The following MACROD2 variants were observed in gnomAD, a reference collection of about 807,000 sequenced individuals.
The protein encoded by MACROD2 is mono-ADP ribosylhydrolase 2.
Under a neutral mutation model 70.4 loss-of-function variants are expected in MACROD2, and 36 were observed. The observed-to-expected ratio is 0.51, with a 90% CI of 0.39 to 0.68. MACROD2 has a LOEUF of 0.68. MACROD2 is among the 30% of genes least tolerant of loss of function. The pLI is 0.00. For synonymous variants in MACROD2, 172 were observed against 178.8 expected, an observed-to-expected ratio of 0.96 and a Z score of 0.30; for missense variants, 496 against 538.4, an observed-to-expected ratio of 0.92 and a Z score of 0.78.
chr20:15,049,373 T>G (rs1270736012), intron 5 of MACROD2, among the ~76,000 whole-genome samples: 1 of 151,950 alleles, frequency 6.6e-6, no homozygotes, highest in Non-Finnish European at 1.5e-5. Flanking sequence ...AAAATACATG[T>G]CTTTCTAAAG....
intron 8 of MACROD2, among the ~76,000 whole-genome samples, chr20:15,649,297 C>T (rs2049608917): frequency 6.7e-6 from 1 of 149,538 alleles, no homozygotes; most frequent in Admixed American, 6.7e-5. Flanking sequence ...ATTGTTATTT[C>T]CACATTGTTG....
chr20:14,190,982 C>T (rs976650698), intron 3 of MACROD2, among the ~76,000 whole-genome samples: 8 of 151,944 alleles, frequency 5.3e-5, no homozygotes, highest in Admixed American at 5.2e-4. Context: ...TCTGGGATTA[C>T]AGGCGTGAGC....
At chr20:15,088,405 A>T (rs1293277675) in intron 5 of MACROD2, among the ~76,000 whole-genome samples, 9 of 2,630 alleles carry the variant, frequency 3.4e-3, no homozygotes, top group East Asian at 0.022. Context: ...TTTTATATAT[A>T]TATATATATA....
intron 5 of MACROD2, among the ~76,000 whole-genome samples, chr20:15,009,739 C>T (rs1033233700): frequency 1.4e-5 from 2 of 147,810 alleles, no homozygotes; most frequent in Non-Finnish European, 3.0e-5. Flanking sequence ...TTTTTTCAGT[C>T]TTTGAAACAC....
rs1014971195 is a variant in MACROD2, at chr20:15,627,990, A to G, written c.645+128143A>G. On this transcript the variant is annotated intron_variant, in intron 8 of 17. Coordinates refer to ENST00000684519, the MANE Select transcript of MACROD2 (RefSeq NM_001351661.2). ...AAGTCAGTTTTAGTACCTCTGTGAG[A>G]CATGTCATGCCAAGGAAAGAGCAGA... 3.9e-5 allele frequency among the ~76,000 whole-genome samples: 6 copies of G among 152,188 alleles called. No individual in the cohort carries two copies. The East Asian group carries it at 7.7e-4, about 20-fold the overall frequency.
chr20:14,467,045 C>G (rs1041510089), intron 3 of MACROD2, among the ~76,000 whole-genome samples: 10 of 152,274 alleles, frequency 6.6e-5, no homozygotes, highest in Non-Finnish European at 1.3e-4. Flanking sequence ...GGGAGAACCA[C>G]TACTCTCTTT....
intron 12 of MACROD2, among the ~76,000 whole-genome samples, chr20:15,951,280 T>C (rs2065899865): frequency 6.6e-6 from 1 of 150,538 alleles, no homozygotes; most frequent in South Asian, 2.1e-4. Context: ...ATTCTGCCAC[T>C]GTTCCTAGGA....
At chr20:14,749,972 A>C (rs2071848992) in intron 5 of MACROD2, among the ~76,000 whole-genome samples, 2 of 152,130 alleles carry the variant, frequency 1.3e-5, no homozygotes, top group Admixed American at 6.5e-5. Flanking sequence ...GATCTGTGGG[A>C]GGAAAATGTT....
At chr20:14,702,683 ATGTGTATATATATGTATATATATG>A (rs2071220225) in intron 5 of MACROD2, among the ~76,000 whole-genome samples, 1 of 134,460 alleles carries the variant, frequency 7.4e-6, no homozygotes. Context: ...ATACACATAT[ATGTGTATATATATGTATATATATG>A]TGTGTATATA....
chr20:15,196,080 G>A (rs1177529012), intron 5 of MACROD2, among the ~76,000 whole-genome samples: 1 of 152,146 alleles, frequency 6.6e-6, no homozygotes, highest in African/African-American at 2.4e-5. Context: ...GCCCTTAAGA[G>A]TGGAGCAGGG....
intron 5 of MACROD2, among the ~76,000 whole-genome samples, chr20:14,706,875 T>C (rs1369558959): frequency 6.6e-6 from 1 of 152,158 alleles, no homozygotes; most frequent in African/African-American, 2.4e-5. Flanking sequence ...GGTGCTGCTG[T>C]GGAAAAGCTG....
chr20:15,154,531 AC>A (rs1385987885), intron 5 of MACROD2, among the ~76,000 whole-genome samples: 5 of 152,258 alleles, frequency 3.3e-5, no homozygotes, highest in Non-Finnish European at 7.3e-5. Flanking sequence ...TGACTTATAA[AC>A]AACAGGCATT....
intron 3 of MACROD2, among the ~76,000 whole-genome samples, chr20:14,181,862 A>G (rs944360891): frequency 6.6e-6 from 1 of 152,222 alleles, no homozygotes; most frequent in Admixed American, 6.5e-5. Flanking sequence ...TTATATGGCT[A>G]TACCAAAATT....
chr20:15,843,621 G>A (rs1480760872), intron 8 of MACROD2, among the ~76,000 whole-genome samples: 2 of 152,106 alleles, frequency 1.3e-5, no homozygotes, highest in Non-Finnish European at 1.5e-5. Context: ...GATAATTTCT[G>A]AAGTGCAAAT....
intron 3 of MACROD2, among the ~76,000 whole-genome samples, chr20:14,298,533 A>C (rs1427426553): frequency 1.3e-5 from 2 of 148,944 alleles, no homozygotes; most frequent in African/African-American, 5.0e-5. Context: ...GCGCCATTGC[A>C]CTCCAGCCTG....
At chr20:14,827,002 G>A (rs928378476) in intron 5 of MACROD2, among the ~76,000 whole-genome samples, 14 of 151,952 alleles carry the variant, frequency 9.2e-5, no homozygotes, top group Non-Finnish European at 1.2e-4. Flanking sequence ...ATGAGAGCTC[G>A]GACTTAACAA....
chr20:14,780,389 G>A (rs6110429), intron 5 of MACROD2, among the ~76,000 whole-genome samples: 10 of 151,696 alleles, frequency 6.6e-5, no homozygotes, highest in South Asian at 2.1e-4. Context: ...ATGGAAAAAC[G>A]CCATCTCTAC....
intron 4 of MACROD2, among the ~76,000 whole-genome samples, chr20:14,582,716 A>G (rs1981117288): frequency 6.6e-6 from 1 of 152,076 alleles, no homozygotes; most frequent in Non-Finnish European, 1.5e-5. Flanking sequence ...ATACAGTTAA[A>G]CATATTAATA....
intron 2 of MACROD2, among the ~76,000 whole-genome samples, chr20:14,066,805 A>ATTTT (rs34648174): frequency 4.6e-4 from 48 of 104,128 alleles, no homozygotes; most frequent in Non-Finnish European, 6.3e-4. Flanking sequence ...TGTTTTAGTG[A>ATTTT]TTTTTTTTTT....
Sources: allele counts gnomAD v4.1 joint callset (sites outside exome capture counted in the v4.1 genomes callset), GRCh38; gene constraint gnomAD v4.1.1; transcripts MANE v1.5; gene names NCBI Gene and HGNC (gene_info 2026-07-23, HGNC 2026-07-21).